The following DLG2 variants were observed in gnomAD, a reference collection of about 807,000 sequenced individuals.
DLG2 encodes discs large MAGUK scaffold protein 2.
In DLG2, 45 loss-of-function variants were observed where a neutral mutation model predicts 132.5. That is an observed-to-expected ratio of 0.34 (90% CI 0.27 to 0.44). The LOEUF is 0.44. DLG2 is among the 20% of genes least tolerant of loss of function. DLG2 has a pLI of 1.00. For synonymous variants in DLG2, 424 were observed against 419.6 expected (o/e 1.01, Z -0.13); for missense variants, 1,045 against 1,196.9 (o/e 0.87, Z 1.87).
intron 3 of DLG2, among the ~76,000 whole-genome samples, chr11:85,285,645 T>G (rs756512098): frequency 3.9e-5 from 6 of 151,946 alleles, no homozygotes; most frequent in Non-Finnish European, 7.4e-5. Context: ...TATTCAGTAA[T>G]AAGGAATGAG....
intron 17 of DLG2, among the ~76,000 whole-genome samples, chr11:83,803,663 T>C (rs1454822421): frequency 1.3e-5 from 2 of 152,202 alleles, no homozygotes; most frequent in African/African-American, 4.8e-5. Flanking sequence ...TGGTTTAGTT[T>C]ACATAAACTA....
chr11:85,281,259 A>G (rs1034990149), intron 4 of DLG2, among the ~76,000 whole-genome samples: 1 of 151,962 alleles, frequency 6.6e-6, no homozygotes, highest in African/African-American at 2.4e-5. Flanking sequence ...TAAAACCTTT[A>G]CCTCCAGGTC....
chr11:84,773,903 G>A (rs1197552466), intron 6 of DLG2, among the ~76,000 whole-genome samples: 4 of 152,064 alleles, frequency 2.6e-5, no homozygotes, highest in South Asian at 2.1e-4. Flanking sequence ...ACTCTCACCA[G>A]TCCTATTAAA....
chr11:84,809,482 ATT>A (rs2076338625), intron 6 of DLG2, among the ~76,000 whole-genome samples: 1 of 151,718 alleles, frequency 6.6e-6, no homozygotes, highest in African/African-American at 2.4e-5. Flanking sequence ...GACTGTTCCT[ATT>A]TGCATATGAC....
rs148598393 is a variant in DLG2, at chr11:85,127,047, A to T, written c.283-15312T>A. Among the ~76,000 whole-genome samples the T allele has an allele frequency of 2.8e-3, 421 of 152,262 alleles. 2 individuals are homozygous for T. The highest frequency in any genetic ancestry group is 4.5e-3 in the Non-Finnish European group (303 of 68,000). On this transcript the variant is annotated intron_variant, in intron 5 of 27. Coordinates refer to ENST00000376104, the MANE Select transcript of DLG2 (RefSeq NM_001142699.3). ...GAAGTCTGGGCAAGCTGGGATTTGGAACCAGTTTTAATGATGGATGGAATA... is the reference window on the plus strand; with the variant it reads ...GAAGTCTGGGCAAGCTGGGATTTGGTACCAGTTTTAATGATGGATGGAATA...
chr11:83,519,279 A>G (rs974374140), intron 21 of DLG2, among the ~76,000 whole-genome samples: 4 of 152,210 alleles, frequency 2.6e-5, no homozygotes, highest in African/African-American at 9.6e-5. Context: ...CAGCAGCCAC[A>G]ACCACGATTA....
intron 6 of DLG2, among the ~76,000 whole-genome samples, chr11:84,945,728 G>C (rs2050111598): frequency 6.6e-6 from 1 of 152,278 alleles, no homozygotes; most frequent in East Asian, 1.9e-4. Context: ...GGTTGAGAAA[G>C]AGGAAACACA....
intron 6 of DLG2, among the ~76,000 whole-genome samples, chr11:85,062,550 A>C (rs551351842): frequency 6.6e-6 from 1 of 151,824 alleles, no homozygotes; most frequent in East Asian, 1.9e-4. Context: ...TGAAAAAAAA[A>C]AACTGACAGG....
intron 4 of DLG2, among the ~76,000 whole-genome samples, chr11:85,229,222 A>T (rs1462572208): frequency 1.3e-5 from 2 of 151,902 alleles, no homozygotes; most frequent in Non-Finnish European, 2.9e-5. Flanking sequence ...AGCTGTCAAG[A>T]AAATTTTTGC....
chr11:85,590,698 G>A (rs908624630), intron 3 of DLG2, among the ~76,000 whole-genome samples: 8 of 151,134 alleles, frequency 5.3e-5, no homozygotes, highest in Admixed American at 5.3e-4. Flanking sequence ...ACAACAAAAA[G>A]TAAAATTCAA....
chr11:83,472,702 A>G (rs1273251521), intron 23 of DLG2, 25 bp downstream of exon 23: 1 of 1,607,466 alleles, frequency 6.2e-7, no homozygotes. Flanking sequence ...AGAAATTAGG[A>G]ATGAAAGCGT....
intron 6 of DLG2, among the ~76,000 whole-genome samples, chr11:84,783,220 G>A (rs1007572879): frequency 1.3e-5 from 2 of 152,132 alleles, no homozygotes; most frequent in African/African-American, 4.8e-5. Context: ...ATTTGAAGTC[G>A]TTGGCTCAGT....
intron 6 of DLG2, among the ~76,000 whole-genome samples, chr11:84,851,449 T>C (rs902546763): frequency 6.6e-6 from 1 of 152,114 alleles, no homozygotes; most frequent in African/African-American, 2.4e-5. Context: ...ATTGAATTCC[T>C]GCCCAAATTG....
chr11:85,506,553 C>G (rs1206343770), intron 3 of DLG2, among the ~76,000 whole-genome samples: 3 of 152,166 alleles, frequency 2.0e-5, no homozygotes, highest in East Asian at 1.9e-4. Context: ...ATCCTGAGTT[C>G]TAATGTGATT....
chr11:84,281,853 A>G (rs2097857912), intron 7 of DLG2, among the ~76,000 whole-genome samples: 1 of 152,202 alleles, frequency 6.6e-6, no homozygotes, highest in Non-Finnish European at 1.5e-5. Flanking sequence ...ATATTTAAAA[A>G]GACTGACCAT....
chr11:85,322,026 T>A (rs535140441), intron 3 of DLG2, among the ~76,000 whole-genome samples: 2 of 152,208 alleles, frequency 1.3e-5, no homozygotes, highest in East Asian at 3.9e-4. Flanking sequence ...TCCTATTACA[T>A]TTTACTTCAT....
intron 7 of DLG2, among the ~76,000 whole-genome samples, chr11:84,314,807 G>A (rs1309890858): frequency 1.3e-5 from 2 of 151,866 alleles, no homozygotes; most frequent in African/African-American, 2.4e-5. Context: ...AAGTCTGTGT[G>A]TATGTATGTG....
intron 20 of DLG2, among the ~76,000 whole-genome samples, chr11:83,540,113 C>T (rs2096018202): frequency 6.6e-6 from 1 of 152,156 alleles, no homozygotes; most frequent in Admixed American, 6.5e-5. Flanking sequence ...TTCCTTCCTC[C>T]ACCCCATTAC....
intron 15 of DLG2, among the ~76,000 whole-genome samples, chr11:83,875,263 G>A (rs914156350): frequency 2.0e-5 from 3 of 152,176 alleles, no homozygotes; most frequent in Non-Finnish European, 4.4e-5. Context: ...TTGTAGATAA[G>A]TAATATAAAT....
Sources: gnomAD v4.1 joint callset for allele counts (sites outside exome capture counted in the v4.1 genomes callset) on GRCh38, gnomAD v4.1.1 for gene constraint, MANE v1.5 for transcripts, NCBI Gene and HGNC (gene_info 2026-07-23, HGNC 2026-07-21) for gene names.